Variants in LRP6 observed in about 807,000 individuals in gnomAD.
LRP6 encodes the protein low-density lipoprotein receptor-related protein 6.
A neutral mutation model predicts 184.1 loss-of-function variants in LRP6; 43 were observed. That is an observed-to-expected ratio of 0.23 (90% CI 0.18 to 0.30). LRP6 has a LOEUF of 0.30. Ranked by LOEUF, LRP6 falls within the 10% of genes least tolerant of loss-of-function variation. The pLI is 1.00. For missense variants in LRP6, 1,571 were observed against 2,005.3 expected (o/e 0.78, Z 4.14); for synonymous variants, 719 against 684.9 (o/e 1.05, Z -0.78).
intron 12 of LRP6, chr12:12,155,600 A>G (rs937782038): frequency 3.7e-5 from 29 of 789,290 alleles, no homozygotes; most frequent in Non-Finnish European, 5.4e-5. Flanking sequence ...CAGAAAATGG[A>G]AAGTTATCAG....
rs1253417294 is a variant in LRP6, at chr12:12,135,274, C to T, written c.3634G>A (p.Gly1212Ser). The change falls in exon 17 of 23, where the codon GGT (glycine) becomes AGT (serine). Residue 1212 changes from glycine (G) to serine (S), a missense_variant. Coordinates refer to ENST00000261349, the MANE Select transcript of LRP6 (RefSeq NM_002336.3). ...ACAAGACAAATATGTGAACAGCCAC[C>T]ATTATCCTGAGCACAAGGGTGCTGT... is the stretch of plus-strand genomic sequence containing the variant. Reference protein sequence around the residue: ...YRQHPCAQDNGGCSHICLVKG... With the variant: ...YRQHPCAQDNSGCSHICLVKG... 6.2e-7 allele frequency: 1 copy of T among 1,607,016 alleles called. No individual in the cohort carries two copies. The highest frequency in any genetic ancestry group is 8.5e-7 in the Non-Finnish European group (1 of 1,175,816).
At chr12:12,165,900 C>A (rs989112073) in intron 7 of LRP6, among the ~76,000 whole-genome samples, 2 of 152,068 alleles carry the variant, frequency 1.3e-5, no homozygotes, top group Non-Finnish European at 2.9e-5. Context: ...TTATATGACA[C>A]CCTCTCTGCA....
intron 15 of LRP6, 79 bp from the exon 16 acceptor site, chr12:12,138,613 GT>G: frequency 1.5e-6 from 2 of 1,338,684 alleles, no homozygotes; most frequent in South Asian, 1.2e-5. Context: ...CTGACTACCA[GT>G]TAGATTCTAC....
chr12:12,168,930 T>C (rs989305085), intron 7 of LRP6, among the ~76,000 whole-genome samples: 3 of 152,102 alleles, frequency 2.0e-5, no homozygotes, highest in East Asian at 1.9e-4. Flanking sequence ...CATGTTAATA[T>C]TTCTGCAATA....
At chr12:12,241,133 A>G (rs1209545691) in intron 2 of LRP6, among the ~76,000 whole-genome samples, 1 of 152,178 alleles carries the variant, frequency 6.6e-6, no homozygotes, top group East Asian at 1.9e-4. Flanking sequence ...CAGGGCTCAA[A>G]CAATACCAGT....
At chr12:12,135,665 T>C (rs765384372) in intron 16 of LRP6, among the ~76,000 whole-genome samples, 7 of 151,552 alleles carry the variant, frequency 4.6e-5, no homozygotes, top group Non-Finnish European at 1.0e-4. Context: ...GGCCAATTTT[T>C]CCGTTTTTAG....
chr12:12,183,723 G>C (rs1863400100), intron 5 of LRP6, among the ~76,000 whole-genome samples: 1 of 152,136 alleles, frequency 6.6e-6, no homozygotes, highest in Non-Finnish European at 1.5e-5. Flanking sequence ...CAATGACTAT[G>C]AGATTTGACA....
At chr12:12,153,347 C>G (rs1477370700) in intron 12 of LRP6, among the ~76,000 whole-genome samples, 1 of 152,074 alleles carries the variant, frequency 6.6e-6, no homozygotes, top group African/African-American at 2.4e-5. Context: ...GAAGAAAGAT[C>G]CCAGAGTTTT....
chr12:12,178,094 A>G (rs1863241835), intron 7 of LRP6, among the ~76,000 whole-genome samples: 1 of 152,146 alleles, frequency 6.6e-6, no homozygotes, highest in Non-Finnish European at 1.5e-5. Context: ...TAATTTTAAA[A>G]TCTACTGCAC....
At chr12:12,199,416 T>C (rs1283461385) in intron 3 of LRP6, among the ~76,000 whole-genome samples, 1 of 152,204 alleles carries the variant, frequency 6.6e-6, no homozygotes, top group Non-Finnish European at 1.5e-5. Flanking sequence ...TTACTCCTTT[T>C]ATTTTCTCTG....
At chr12:12,177,499 T>C in intron 7 of LRP6, among the ~76,000 whole-genome samples, 1 of 152,214 alleles carries the variant, frequency 6.6e-6, no homozygotes. Context: ...AGTCTCAGGA[T>C]GGAAAACCCC....
rs569373782 is a variant in LRP6, at chr12:12,224,980, G to T, written c.449+19282C>A. ...AGCACTTTAGGAGGCCCAGGCAGGC[G>T]GATCACCTGAGGTCGGGAGTTCTAG... is the stretch of plus-strand genomic sequence containing the variant. On this transcript the variant is annotated intron_variant, in intron 2 of 22. Transcript: ENST00000261349. Among the ~76,000 whole-genome samples, 222 of 152,310 alleles carry T rather than the reference G, an allele frequency of 1.5e-3. 1 individual carries two copies. The highest frequency in any genetic ancestry group is 4.9e-3 in the African/African-American group (203 of 41,554).
chr12:12,248,760 T>A (rs1261969355), intron 1 of LRP6, among the ~76,000 whole-genome samples: 1 of 152,016 alleles, frequency 6.6e-6, no homozygotes, highest in African/African-American at 2.4e-5. Context: ...GATTACAGGC[T>A]TGAGCCACTG....
Position 12,150,993 on chromosome 12 carries a change from C to A in LRP6, c.2837G>T (p.Arg946Leu). Reference protein sequence around the residue: ...LLFSQKSAINRMVIDEQQSPD... With the variant: ...LLFSQKSAINLMVIDEQQSPD... Reference sequence around the variant, plus strand: ...GCTCTGTTGTTCATCAATCACCATGCGGTTGATGGCACTCTTTTGACTGAA... The same window carrying A: ...GCTCTGTTGTTCATCAATCACCATGAGGTTGATGGCACTCTTTTGACTGAA... Residue 946 changes from arginine (R) to leucine (L), a missense_variant, in exon 13 of 23, where the codon CGC becomes CTC. By Grantham distance (102) the Arg-to-Leu change is moderately radical. Coordinates refer to ENST00000261349, the MANE Select transcript of LRP6 (RefSeq NM_002336.3). The A allele has an allele frequency of 6.2e-7, 1 of 1,614,056 alleles. No homozygotes were observed. The highest frequency in any genetic ancestry group is 1.1e-5 in the South Asian group (1 of 91,070).
intron 1 of LRP6, among the ~76,000 whole-genome samples, chr12:12,264,289 C>A (rs1254801309): frequency 6.6e-6 from 1 of 152,108 alleles, no homozygotes; most frequent in African/African-American, 2.4e-5. Context: ...CACCCAATAA[C>A]CCTGCAAACT....
chr12:12,254,952 A>G (rs1490496973), intron 1 of LRP6, among the ~76,000 whole-genome samples: 1 of 152,228 alleles, frequency 6.6e-6, no homozygotes, highest in Non-Finnish European at 1.5e-5. Context: ...GAGGCATTTT[A>G]AAGTCCAATC....
At chr12:12,178,102 C>T (rs1406261234) in intron 7 of LRP6, among the ~76,000 whole-genome samples, 1 of 152,042 alleles carries the variant, frequency 6.6e-6, no homozygotes, top group Non-Finnish European at 1.5e-5. Context: ...AAATCTACTG[C>T]ACTCACTGCA....
chr12:12,187,949 C>T (rs1340117169), intron 3 of LRP6, among the ~76,000 whole-genome samples: 2 of 152,050 alleles, frequency 1.3e-5, no homozygotes, highest in South Asian at 2.1e-4. Context: ...CAGTGGCTCA[C>T]GTCTGTAATC....
chr12:12,223,537 C>G (rs1298424991), intron 2 of LRP6, among the ~76,000 whole-genome samples: 1 of 152,144 alleles, frequency 6.6e-6, no homozygotes, highest in African/African-American at 2.4e-5. Context: ...AACAATATGA[C>G]TGGTAATACA....
Sources: gnomAD v4.1 joint callset for allele counts (sites outside exome capture counted in the v4.1 genomes callset) on GRCh38, gnomAD v4.1.1 for gene constraint, MANE v1.5 for transcripts, NCBI Gene and HGNC (gene_info 2026-07-23, HGNC 2026-07-21) for gene names.